GRIN2B: variants seen among roughly 807,000 people sequenced by gnomAD.
The protein encoded by GRIN2B is glutamate ionotropic receptor NMDA type subunit 2B.
A neutral mutation model predicts 114.5 loss-of-function variants in GRIN2B; 5 were observed. The observed-to-expected ratio is 0.04, with a 90% CI of 0.02 to 0.09. The LOEUF (loss-of-function observed/expected upper bound fraction) is 0.09, where lower values mean the gene tolerates loss of function less well. GRIN2B is among the 10% of genes least tolerant of loss of function. The probability of loss-of-function intolerance (pLI) is 1.00; values close to 1 mark genes in which losing one functional copy is unlikely to be tolerated. For synonymous variants in GRIN2B, 787 were observed against 745.1 expected (o/e 1.06, Z -0.92); for missense variants, 1,108 against 1,943.5 (o/e 0.57, Z 8.08).
intron 2 of GRIN2B, among the ~76,000 whole-genome samples, chr12:13,878,772 G>T (rs1423429711): frequency 1.3e-5 from 2 of 152,180 alleles, no homozygotes; most frequent in Non-Finnish European, 2.9e-5. Context: ...CCTCAGCAAA[G>T]AACAGATAAA....
chr12:13,946,405 T>C (rs145249512), intron 2 of GRIN2B, among the ~76,000 whole-genome samples: 3 of 152,218 alleles, frequency 2.0e-5, no homozygotes, highest in Middle Eastern at 3.4e-3. Context: ...AAGTTATACA[T>C]TTGATATCAT....
Position 13,837,633 on chromosome 12 carries a change from G to A in GRIN2B, c.411+28165C>T, listed in dbSNP as rs559375276. Among the ~76,000 whole-genome samples the A allele has an allele frequency of 2.6e-5, 4 of 152,236 alleles. No individual in the cohort carries two copies. In the East Asian group the frequency reaches 7.7e-4, roughly 29 times the overall value. On this transcript the variant is annotated intron_variant, in intron 3 of 13. Transcript: ENST00000609686. Reference sequence around the variant, plus strand: ...TCATTGCCTAAGTTCACACAGACAGGAGCCAGCAAAACCAATTTTGACTTT... The same window carrying A: ...TCATTGCCTAAGTTCACACAGACAGAAGCCAGCAAAACCAATTTTGACTTT...
intron 3 of GRIN2B, among the ~76,000 whole-genome samples, chr12:13,809,473 T>C (rs1404643902): frequency 5.9e-5 from 9 of 152,146 alleles, no homozygotes; most frequent in Non-Finnish European, 1.3e-4. Flanking sequence ...GAGATAATAA[T>C]GTATGTCTGG....
chr12:13,897,688 G>C (rs899720705), intron 2 of GRIN2B, among the ~76,000 whole-genome samples: 1 of 151,958 alleles, frequency 6.6e-6, no homozygotes, highest in African/African-American at 2.4e-5. Context: ...TAATCTTAAA[G>C]GTCTTTTCTG....
At chr12:13,723,643 A>ATTAATTCC in intron 4 of GRIN2B, among the ~76,000 whole-genome samples, 1 of 152,274 alleles carries the variant, frequency 6.6e-6, no homozygotes, top group African/African-American at 2.4e-5. Context: ...GTGAAGTAGT[A>ATTAATTCC]TTAATTCCTA....
rs1948288404 is a variant in GRIN2B at position 13,542,319 on chromosome 12, T to A, written c.*20464A>T. 6.6e-6 allele frequency: 1 copy of A among 152,096 alleles called. No homozygotes were observed. The highest frequency in any genetic ancestry group is 2.4e-5 in the African/African-American group (1 of 41,412). The allele number at this position is 152,096 out of a possible 1,614,324, so 9.4% of individuals were successfully genotyped here. On this transcript the variant is annotated 3_prime_UTR_variant, in exon 14 of 14. Coordinates refer to ENST00000609686, the MANE Select transcript of GRIN2B (RefSeq NM_000834.5). ...AATTATGACCCCCCCACAACGAGAC[T>A]AGCTTAGTTGGGAACCTTAGAAAGG...
chr12:13,716,429 A>G (rs1950456055), intron 4 of GRIN2B, among the ~76,000 whole-genome samples: 1 of 151,884 alleles, frequency 6.6e-6, no homozygotes, highest in South Asian at 2.1e-4. Context: ...CTAAGCTCTA[A>G]GGGTGTGGAG....
intron 2 of GRIN2B, among the ~76,000 whole-genome samples, chr12:13,928,847 A>C (rs547171757): frequency 1.3e-3 from 191 of 152,374 alleles, no homozygotes; most frequent in Admixed American, 2.0e-3. Flanking sequence ...GTAGTCAGTC[A>C]CTTAAACATA....
chr12:13,562,724 C>T lies in GRIN2B; in HGVS notation c.*59G>A, dbSNP rs183243118. ...CCCCCGTCACCCTCCGTGACATGCG[C>T]ATCACGCGACCCACAGCCTTACCCT... On this transcript the variant is annotated 3_prime_UTR_variant, in exon 14 of 14. Transcript: ENST00000609686. 4.6e-5 allele frequency: 62 copies of T among 1,351,766 alleles called. No homozygotes were observed. In the Admixed American group the frequency reaches 8.9e-4, roughly 19 times the overall value. 83.7% of individuals were successfully genotyped at this position (1,351,766 alleles called of 1,614,324 possible). A position where few individuals can be genotyped will look rare whatever the true frequency, so the allele number is the denominator to read the frequency against.
intron 3 of GRIN2B, among the ~76,000 whole-genome samples, chr12:13,763,740 C>G (rs1863724439): frequency 6.6e-6 from 1 of 152,204 alleles, no homozygotes; most frequent in Admixed American, 6.5e-5. Context: ...CAGGCAACCC[C>G]ATGGCAGGGT....
At chr12:13,931,500 C>A (rs1008097584) in intron 2 of GRIN2B, among the ~76,000 whole-genome samples, 3 of 152,126 alleles carry the variant, frequency 2.0e-5, no homozygotes, top group Admixed American at 2.0e-4. Context: ...GGATTGATAC[C>A]TGACATTTTT....
At position 13,671,629 on chromosome 12, in the gene GRIN2B, C is replaced by T. The variant is rs189028906; in HGVS notation, c.1125+4116G>A. 3.9e-3 allele frequency among the ~76,000 whole-genome samples: 591 copies of T among 152,270 alleles called. 4 individuals are homozygous for T. Among genetic ancestry groups the T allele is most frequent in the Non-Finnish European group, 6.3e-3 (426 of 68,024 alleles). ...AGTCCTTCCCTGGCACTGGGGTGCT[C>T]ACTCCAGAGGAGGGGAAGTTACCTG... On this transcript the variant is annotated intron_variant, in intron 5 of 13. Transcript: ENST00000609686.
chr12:13,576,120 T>C (rs1948772428), intron 10 of GRIN2B, among the ~76,000 whole-genome samples: 1 of 152,210 alleles, frequency 6.6e-6, no homozygotes, highest in Non-Finnish European at 1.5e-5. Context: ...AAAATTCTTG[T>C]CCCAGCCTGG....
intron 3 of GRIN2B, among the ~76,000 whole-genome samples, chr12:13,764,001 C>A (rs1863728891): frequency 6.6e-6 from 1 of 152,012 alleles, no homozygotes; most frequent in Non-Finnish European, 1.5e-5. Context: ...ATTTTCTTTT[C>A]TTGATCTCTA....
chr12:13,659,660 A>C (rs1949901014), intron 5 of GRIN2B, among the ~76,000 whole-genome samples: 1 of 152,142 alleles, frequency 6.6e-6, no homozygotes, highest in African/African-American at 2.4e-5. Flanking sequence ...CAATAAACAA[A>C]TATTGTACTT....
chr12:13,612,139 G>A (rs928180122), intron 8 of GRIN2B, among the ~76,000 whole-genome samples: 4 of 152,166 alleles, frequency 2.6e-5, no homozygotes, highest in African/African-American at 9.7e-5. Flanking sequence ...TCAGTAAATG[G>A]TGCAATTGGA....
chr12:13,616,297 G>C (rs1453110415), intron 6 of GRIN2B, among the ~76,000 whole-genome samples, 158 bp downstream of exon 6: 2 of 152,148 alleles, frequency 1.3e-5, no homozygotes, highest in South Asian at 2.1e-4. Flanking sequence ...CGAGACATCA[G>C]ACCAGAGGGC....
chr12:13,628,709 C>T (rs981971321), intron 5 of GRIN2B, among the ~76,000 whole-genome samples: 1 of 152,160 alleles, frequency 6.6e-6, no homozygotes, highest in African/African-American at 2.4e-5. Context: ...GGTGCCCATA[C>T]AGAAGTATCA....
chr12:13,633,315 C>T (rs1268004934), intron 5 of GRIN2B, among the ~76,000 whole-genome samples: 1 of 152,208 alleles, frequency 6.6e-6, no homozygotes, highest in Non-Finnish European at 1.5e-5. Context: ...CAACTGTGGG[C>T]AGAACCCAGC....
Sources: gnomAD v4.1 joint callset for allele counts (sites outside exome capture counted in the v4.1 genomes callset) on GRCh38, gnomAD v4.1.1 for gene constraint, MANE v1.5 for transcripts, NCBI Gene and HGNC (gene_info 2026-07-23, HGNC 2026-07-21) for gene names.